Variants in HIVEP3 observed in about 807,000 individuals in gnomAD.
HIVEP3 encodes the protein transcription factor HIVEP3.
In HIVEP3, 49 loss-of-function variants were observed where a neutral mutation model predicts 152.8. The ratio of observed to expected loss-of-function variants is 0.32; its 90% CI spans 0.26 to 0.41. The LOEUF (loss-of-function observed/expected upper bound fraction) is 0.41. Among genes scored for constraint, HIVEP3 ranks in the 10% least tolerant of loss-of-function variants. The probability of loss-of-function intolerance (pLI) is 1.00; values close to 1 mark genes in which losing one functional copy is unlikely to be tolerated. For synonymous variants in HIVEP3, 1,269 were observed against 1,289.0 expected (o/e 0.98, Z 0.33); for missense variants, 2,790 against 3,103.3 (o/e 0.90, Z 2.40).
intron 5 of HIVEP3, among the ~76,000 whole-genome samples, chr1:41,541,349 C>T (rs925095610): frequency 3.9e-5 from 6 of 152,142 alleles, no homozygotes; most frequent in East Asian, 3.8e-4. Context: ...TTCCTTGCAG[C>T]GAGCTATTTA....
At chr1:41,748,525 C>T (rs1647107024) in intron 1 of HIVEP3, among the ~76,000 whole-genome samples, 1 of 152,232 alleles carries the variant, frequency 6.6e-6, no homozygotes. Context: ...GTAACATCAT[C>T]ATGACTGTCA....
intron 1 of HIVEP3, among the ~76,000 whole-genome samples, chr1:41,993,244 G>T (rs1394713335): frequency 3.4e-4 from 52 of 151,540 alleles, no homozygotes; most frequent in East Asian, 2.5e-3. Flanking sequence ...TTTCGCAACC[G>T]ACTCATCTGA....
rs554231654 is a variant in HIVEP3, at chr1:41,939,549, C to G, written n.120-21025G>C. 5.9e-5 allele frequency among the ~76,000 whole-genome samples: 9 copies of G among 152,320 alleles called. No homozygotes were observed. In the South Asian group the frequency reaches 1.9e-3, roughly 32 times the overall value. ...CTTTTTAAGAATTACTACACCTCTT[C>G]TCTTTGCTGGTAAGACGAGGGAAGT... On this transcript the variant is annotated intron_variant and non_coding_transcript_variant, in intron 1 of 3. Coordinates refer to the HIVEP3 transcript ENST00000489103.
intron 1 of HIVEP3, among the ~76,000 whole-genome samples, chr1:41,933,177 A>G (rs1013350574): frequency 6.6e-6 from 1 of 152,062 alleles, no homozygotes; most frequent in African/African-American, 2.4e-5. Flanking sequence ...AACTGGGTCA[A>G]GTTGGTTGAT....
At chr1:42,030,282 TTAA>T (rs1399069430) in intron 1 of HIVEP3, among the ~76,000 whole-genome samples, 2 of 152,216 alleles carry the variant, frequency 1.3e-5, no homozygotes, top group East Asian at 3.9e-4. Flanking sequence ...TCAGCTATCA[TTAA>T]TGTTAGCATA....
chr1:41,697,029 T>C (rs908664681), intron 2 of HIVEP3, among the ~76,000 whole-genome samples: 2 of 152,162 alleles, frequency 1.3e-5, no homozygotes, highest in African/African-American at 2.4e-5. Flanking sequence ...GTATTAAAGA[T>C]CAACATTCTC....
intron 5 of HIVEP3, among the ~76,000 whole-genome samples, chr1:41,564,729 G>C (rs1057086187): frequency 6.6e-6 from 1 of 152,226 alleles, no homozygotes; most frequent in Non-Finnish European, 1.5e-5. Context: ...TCAGATATGT[G>C]AAGGATCAAA....
intron 2 of HIVEP3, among the ~76,000 whole-genome samples, chr1:41,644,114 G>C (rs992677716): frequency 2.0e-5 from 3 of 151,904 alleles, no homozygotes; most frequent in Admixed American, 2.0e-4. Context: ...TCAAACTCCT[G>C]AGCTCAAGTG....
rs763393987 is a variant in HIVEP3, at chr1:42,022,672, C to T, written n.119+13135G>A. 1.1e-3 allele frequency among the ~76,000 whole-genome samples: 165 copies of T among 152,298 alleles called. 1 individual carries two copies. Among genetic ancestry groups the T allele is most frequent in the Non-Finnish European group, 2.0e-3 (136 of 68,022 alleles). ...TAAATGCATATTTTTAAACAATTGT[C>T]TGGTTAAGTCACCACTTTTATATAT... On this transcript the variant is annotated intron_variant and non_coding_transcript_variant, in intron 1 of 3. Transcript: ENST00000489103.
chr1:41,598,393 T>C (rs1038982555), intron 3 of HIVEP3, among the ~76,000 whole-genome samples: 3 of 152,134 alleles, frequency 2.0e-5, no homozygotes, highest in African/African-American at 7.2e-5. Context: ...GAGCAATACA[T>C]AGAATACACA....
At chr1:41,655,282 T>C (rs568916141) in intron 2 of HIVEP3, among the ~76,000 whole-genome samples, 122 of 152,150 alleles carry the variant, frequency 8.0e-4, no homozygotes, top group African/African-American at 2.9e-3. Flanking sequence ...CTGACCATCC[T>C]ACAGCAAAGA....
intron 1 of HIVEP3, among the ~76,000 whole-genome samples, chr1:41,974,486 TACACACAC>T (rs66882363): frequency 1.8e-4 from 24 of 134,280 alleles, no homozygotes; most frequent in African/African-American, 6.0e-4. Flanking sequence ...CTCCACCCCC[TACACACAC>T]ACACACACAC....
intron 5 of HIVEP3, chr1:41,543,159 C>G (rs1643574209): frequency 6.6e-6 from 1 of 152,280 alleles, no homozygotes; most frequent in African/African-American, 2.4e-5. Context: ...AAATTAGTGT[C>G]CTCACCAGCA....
intron 1 of HIVEP3, among the ~76,000 whole-genome samples, chr1:41,737,184 A>G (rs1444383730): frequency 6.6e-6 from 1 of 152,210 alleles, no homozygotes; most frequent in Admixed American, 6.5e-5. Context: ...CTTACAAGCT[A>G]CGTGGGCTCA....
chr1:41,612,906 G>A (rs546199785), intron 3 of HIVEP3, among the ~76,000 whole-genome samples: 3 of 152,306 alleles, frequency 2.0e-5, no homozygotes, highest in South Asian at 2.1e-4. Flanking sequence ...CAGAAGAACC[G>A]ATAAACCATG....
At chr1:41,680,964 T>C (rs1646029229) in intron 2 of HIVEP3, among the ~76,000 whole-genome samples, 1 of 152,246 alleles carries the variant, frequency 6.6e-6, no homozygotes, top group Non-Finnish European at 1.5e-5. Context: ...TCACATTTAT[T>C]TAAGCCTCAC....
intron 1 of HIVEP3, among the ~76,000 whole-genome samples, chr1:41,861,424 G>GGTAAATAAGGTA (rs1570688143): frequency 1.3e-5 from 2 of 152,232 alleles, no homozygotes; most frequent in East Asian, 3.8e-4. Context: ...AAGGCACAAA[G>GGTAAATAAGGTA]AATCCAGGAG....
chr1:41,955,422 A>C (rs1321630327), intron 1 of HIVEP3, among the ~76,000 whole-genome samples: 5 of 152,198 alleles, frequency 3.3e-5, no homozygotes, highest in African/African-American at 1.2e-4. Flanking sequence ...AGACCACCTA[A>C]GTTTAGAGGG....
intron 2 of HIVEP3, among the ~76,000 whole-genome samples, chr1:41,630,966 G>A (rs1459933459): frequency 2.0e-5 from 3 of 151,798 alleles, no homozygotes; most frequent in Non-Finnish European, 4.4e-5. Flanking sequence ...GGCCAAGAGA[G>A]GCCTGTTTCA....
Sources: gnomAD v4.1 joint callset for allele counts (sites outside exome capture counted in the v4.1 genomes callset) on GRCh38, gnomAD v4.1.1 for gene constraint, MANE v1.5 for transcripts, NCBI Gene and HGNC (gene_info 2026-07-23, HGNC 2026-07-21) for gene names.